USP14: variants seen among roughly 807,000 people sequenced by gnomAD.
USP14 encodes the protein ubiquitin specific peptidase 14.
Under a neutral mutation model 76.5 loss-of-function variants are expected in USP14, and 38 were observed. The ratio of observed to expected loss-of-function variants is 0.50; its 90% CI spans 0.38 to 0.65. USP14 has a LOEUF of 0.65. Ranked by LOEUF, USP14 falls within the 30% of genes least tolerant of loss-of-function variation. The pLI is 0.00. For missense variants in USP14, 467 were observed against 586.5 expected, an observed-to-expected ratio of 0.80 and a Z score of 2.10; for synonymous variants, 192 against 191.7, an observed-to-expected ratio of 1.00 and a Z score of -0.01.
intron 1 of USP14, among the ~76,000 whole-genome samples, chr18:162,102 G>A (rs1199546603): frequency 2.6e-5 from 4 of 152,080 alleles, no homozygotes; most frequent in Non-Finnish European, 5.9e-5. Flanking sequence ...ATAATATTCC[G>A]TTGTATGTAT....
intron 3 of USP14, among the ~76,000 whole-genome samples, chr18:171,643 A>G (rs958417795): frequency 2.0e-5 from 3 of 152,220 alleles, no homozygotes; most frequent in South Asian, 2.1e-4. Context: ...TACAACAACT[A>G]TTCTGCAGCC....
intron 3 of USP14, among the ~76,000 whole-genome samples, chr18:178,579 G>A (rs562177673): frequency 1.3e-5 from 2 of 152,172 alleles, no homozygotes; most frequent in South Asian, 2.1e-4. Context: ...GTTTCATCAC[G>A]AAAAAGTTTC....
chr18:158,685 C>T lies in USP14; in HGVS notation c.-14C>T, dbSNP rs1909021481. 6.6e-7 allele frequency: 1 copy of T among 1,525,880 alleles called. No individual in the cohort carries two copies. Among genetic ancestry groups the T allele is most frequent in the Non-Finnish European group, 8.7e-7 (1 of 1,144,736 alleles). The allele number at this position is 1,525,880 out of a possible 1,614,324, so 94.5% of individuals were successfully genotyped here. On this transcript the variant is annotated 5_prime_UTR_variant, in exon 1 of 16. Coordinates refer to ENST00000261601, the MANE Select transcript of USP14 (RefSeq NM_005151.4). ...CCAGCTCTCCTGCGCCGCCGCCTCC[C>T]GCCGCGCCCCGCCATGCCGCTCTAC...
rs191817115 is a variant in USP14, at chr18:190,886, C to T, written c.405-1956C>T. ...TTATTTGGCTTAATGGATGGTTTTA[C>T]ATGAATTAGGAATTACATTTTATTG... On this transcript the variant is annotated intron_variant, in intron 5 of 15. Transcript: ENST00000261601. Among the ~76,000 whole-genome samples, 3 of 151,984 alleles carry T rather than the reference C, an allele frequency of 2.0e-5. No individual in the cohort carries two copies. In the East Asian group the frequency reaches 5.8e-4, roughly 29 times the overall value.
chr18:183,791 T>C (rs1909853156), intron 5 of USP14, among the ~76,000 whole-genome samples: 1 of 152,226 alleles, frequency 6.6e-6, no homozygotes, highest in East Asian at 1.9e-4. Flanking sequence ...AACTCTGTTC[T>C]TTTTGGATGT....
Position 160,288 on chromosome 18 carries a change from A to C in USP14, c.16+1574A>C, listed in dbSNP as rs575715849. 6.6e-5 allele frequency among the ~76,000 whole-genome samples: 10 copies of C among 152,178 alleles called. No individual in the cohort carries two copies. The East Asian group carries it at 7.7e-4, about 12-fold the overall frequency. On this transcript the variant is annotated intron_variant, in intron 1 of 15. Transcript: ENST00000261601. ...CATTGCACTTCAGTCTGGGTGAAAA[A>C]AGCGAAACTGGGTCTCAAGAAAAGA... is the stretch of plus-strand genomic sequence containing the variant.
intron 5 of USP14, among the ~76,000 whole-genome samples, chr18:191,305 C>T (rs1910078901): frequency 6.6e-6 from 1 of 151,918 alleles, no homozygotes; most frequent in African/African-American, 2.4e-5. Flanking sequence ...CCGAAAGATG[C>T]AAACAAATGA....
At chr18:168,906 C>CT (rs1269724924) in intron 3 of USP14, among the ~76,000 whole-genome samples, 1 of 142,030 alleles carries the variant, frequency 7.0e-6, no homozygotes, top group Non-Finnish European at 1.6e-5. Flanking sequence ...TCCGTCTCTA[C>CT]TAAAAAAAAA....
chr18:171,714 C>T (rs1909469234), intron 3 of USP14, among the ~76,000 whole-genome samples: 1 of 152,126 alleles, frequency 6.6e-6, no homozygotes, highest in South Asian at 2.1e-4. Flanking sequence ...GCTAAAGTTT[C>T]CCTATAAAGT....
intron 3 of USP14, among the ~76,000 whole-genome samples, chr18:171,285 AGAG>A: frequency 6.6e-6 from 1 of 152,092 alleles, no homozygotes; most frequent in East Asian, 1.9e-4. Context: ...TCATAGCTAG[AGAG>A]GAGAAGTCAG....
At position 211,337 on chromosome 18, in the gene USP14, C is replaced by A; in HGVS notation, c.*53C>A. ...GTGAAAATAAATGTTATTTGTTGAT[C>A]ATTTCTATAATCCAGAGCTTTAGAG... is the stretch of plus-strand genomic sequence containing the variant. On this transcript the variant is annotated 3_prime_UTR_variant, in exon 16 of 16. Transcript: ENST00000261601. 3 of 1,549,770 alleles carry A rather than the reference C, an allele frequency of 1.9e-6. No individual in the cohort carries two copies. The highest frequency in any genetic ancestry group is 1.2e-5 in the South Asian group (1 of 82,086).
At chr18:171,023 A>T (rs991632800) in intron 3 of USP14, among the ~76,000 whole-genome samples, 3,309 of 45,538 alleles carry the variant, frequency 0.073, 41 homozygotes, top group Non-Finnish European at 0.1. Context: ...AAAAAAAAAA[A>T]AAATATATAT....
intron 5 of USP14, among the ~76,000 whole-genome samples, chr18:183,745 AG>A (rs1294988844): frequency 6.7e-6 from 1 of 149,500 alleles, no homozygotes; most frequent in Non-Finnish European, 1.5e-5. Context: ...TTTTATTTAA[AG>A]GTTTTTTTTT....
chr18:163,690 T>G (rs1048969656), intron 2 of USP14, among the ~76,000 whole-genome samples: 4 of 152,178 alleles, frequency 2.6e-5, no homozygotes, highest in Non-Finnish European at 5.9e-5. Context: ...TCTTTTTACT[T>G]TTGTTTATTT....
intron 5 of USP14, among the ~76,000 whole-genome samples, chr18:184,092 A>G (rs1909861043): frequency 6.6e-6 from 1 of 152,028 alleles, no homozygotes; most frequent in African/African-American, 2.4e-5. Flanking sequence ...ATGTGGTTCT[A>G]TTTTCCTGAA....
chr18:173,295 T>C lies in USP14; in HGVS notation c.196-5638T>C, dbSNP rs529263338. ...GCTATTTTTTTTGTATTTTTTTTAG[T>C]AGAGACGGGGTTTCACCATGTTAGC... On this transcript the variant is annotated intron_variant, in intron 3 of 15. Transcript: ENST00000261601. Among the ~76,000 whole-genome samples, 48 of 151,768 alleles carry C rather than the reference T, an allele frequency of 3.2e-4. 1 individual carries two copies. Among genetic ancestry groups the C allele is most frequent in the Non-Finnish European group, 6.6e-4 (45 of 67,910 alleles).
intron 9 of USP14, 79 bp downstream of exon 9, chr18:198,211 T>A: frequency 8.0e-7 from 1 of 1,255,062 alleles, no homozygotes; most frequent in Non-Finnish European, 1.1e-6. Flanking sequence ...GCTGATTGAT[T>A]GGTGGTGGGT....
intron 5 of USP14, among the ~76,000 whole-genome samples, chr18:192,228 T>C (rs72856240): frequency 2.8e-5 from 4 of 140,834 alleles, no homozygotes; most frequent in Non-Finnish European, 4.5e-5. Context: ...TTTTATTTTC[T>C]TTGTAATTAA....
chr18:177,886 CTG>C lies in USP14; in HGVS notation c.196-1045_196-1044del, dbSNP rs1269392244. Reference sequence around the variant, plus strand: ...ATTGGATATTTTGAACAAATTTACTCTGTATTTGGTTTGATATTTTTTAGTAA... The same window carrying C: ...ATTGGATATTTTGAACAAATTTACTCTATTTGGTTTGATATTTTTTAGTAA... On this transcript the variant is annotated intron_variant, in intron 3 of 15. Transcript: ENST00000261601. 3.3e-5 allele frequency among the ~76,000 whole-genome samples: 5 copies of C among 151,958 alleles called. No homozygotes were observed. In the East Asian group the frequency reaches 9.6e-4, roughly 29 times the overall value.
Sources: gnomAD v4.1 joint callset for allele counts (sites outside exome capture counted in the v4.1 genomes callset) on GRCh38, gnomAD v4.1.1 for gene constraint, MANE v1.5 for transcripts, NCBI Gene and HGNC (gene_info 2026-07-23, HGNC 2026-07-21) for gene names.